The following C22orf31 variants were observed in gnomAD, a reference collection of about 807,000 sequenced individuals.
C22orf31 encodes chromosome 22 open reading frame 31, also known as uncharacterized protein C22orf31.
A neutral mutation model predicts 15.0 loss-of-function variants in C22orf31; 11 were observed. That is an observed-to-expected ratio of 0.73 (90% confidence interval 0.46 to 1.21). C22orf31 has a LOEUF of 1.21. Among genes scored for constraint, C22orf31 ranks in the 50% most tolerant of loss-of-function variants. C22orf31 has a pLI of 0.00. For synonymous variants in C22orf31, 132 were observed against 133.3 expected, an observed-to-expected ratio of 0.99 and a Z score of 0.07; for missense variants, 340 against 347.2, an observed-to-expected ratio of 0.98 and a Z score of 0.17.
chr22:29,065,850 C>T (rs2037425687), upstream of C22orf31, among the ~76,000 whole-genome samples: 1 of 152,230 alleles, frequency 6.6e-6, no homozygotes, highest in Non-Finnish European at 1.5e-5. Flanking sequence ...GCTGAAAGAC[C>T]TCTTCCTTAG....
Position 29,059,083 on chromosome 22 carries a change from T to G in C22orf31, c.532A>C (p.Ser178Arg), listed in dbSNP as rs773290339. Reference protein sequence around the residue: ...VAATQALPQDSGTAAWKGRVL... With the variant: ...VAATQALPQDRGTAAWKGRVL... ...CGGCCCTTCCAGGCTGCTGTCCCACTGTCCTGGGGTAGCGCTTGGGTGGCA... is the reference window on the plus strand; with the variant it reads ...CGGCCCTTCCAGGCTGCTGTCCCACGGTCCTGGGGTAGCGCTTGGGTGGCA... Residue 178 changes from serine to arginine, a missense_variant, in exon 3 of 3, where the codon AGT becomes CGT. By Grantham distance (110) the Ser-to-Arg change is moderately radical. Transcript: ENST00000216071. 1.2e-6 allele frequency: 2 copies of G among 1,614,148 alleles called. No homozygotes were observed. The highest frequency in any genetic ancestry group is 1.7e-6 in the Non-Finnish European group (2 of 1,179,960).
the C22orf31 span, among the ~76,000 whole-genome samples, chr22:29,071,186 G>A: frequency 5.9e-5 from 9 of 152,166 alleles, no homozygotes; most frequent in Admixed American, 2.0e-4. Context: ...CCAGGACCGA[G>A]GCTGGCTGGG....
chr22:29,060,055 A>G, intron 2 of C22orf31: 1 of 783,932 alleles, frequency 1.3e-6, no homozygotes, highest in Non-Finnish European at 1.5e-6. Flanking sequence ...TTTTTTAGAC[A>G]GGGTCTTGCT....
In C22orf31 at chr22:29,059,101, G is replaced by A. The variant is rs1426206345; in HGVS notation, c.514C>T (p.Gln172Ter). ...GTCCCACTGTCCTGGGGTAGCGCTTGGGTGGCAGCCACATGTTCAGCATAT... is the reference window on the plus strand; with the variant it reads ...GTCCCACTGTCCTGGGGTAGCGCTTAGGTGGCAGCCACATGTTCAGCATAT... ...DRYAEHVAAT[Q>*]ALPQDSGTAA... is the part of the protein sequence containing the mutation. The change falls in exon 3 of 3, where the codon CAA becomes TAA. Residue 172 changes from glutamine to a stop codon, truncating the protein, a stop_gained. Transcript: ENST00000216071. LOFTEE classifies it low-confidence loss of function (END_TRUNC). The A allele has an allele frequency of 1.2e-6, 2 of 1,614,072 alleles. No individual in the cohort carries two copies. Among genetic ancestry groups the A allele is most frequent in the Admixed American group, 1.7e-5 (1 of 60,006 alleles).
At chr22:29,060,039 T>TA (rs2037369847) in intron 2 of C22orf31, 2 of 885,562 alleles carry the variant, frequency 2.3e-6, no homozygotes, top group African/African-American at 2.0e-5. Context: ...TTTTTTTTTT[T>TA]TTTTATTTTT....
chr22:29,064,513 G>GTGTTTT (rs2037415753), upstream of C22orf31, among the ~76,000 whole-genome samples: 1 of 151,876 alleles, frequency 6.6e-6, no homozygotes, highest in Non-Finnish European at 1.5e-5. Context: ...TTGCTTTTTT[G>GTGTTTT]TGTTTTTGTT....
intron 2 of C22orf31, chr22:29,059,663 G>C (rs2037361397): frequency 1.0e-6 from 1 of 984,122 alleles, no homozygotes; most frequent in African/African-American, 1.7e-5. Context: ...TGGCCTGCTG[G>C]CCACCACGGG....
Position 29,061,820 on chromosome 22 carries a change from G to C in C22orf31, c.-28C>G, listed in dbSNP as rs142672074. ...TTCAGTTGCCTTAAATTTTATTTTC[G>C]CTAGCTTAGTAAGGGGAAGAAATAT... On this transcript the variant is annotated 5_prime_UTR_variant, in exon 1 of 3. Coordinates refer to ENST00000216071, the MANE Select transcript of C22orf31 (RefSeq NM_015370.2). 767 of 1,517,038 alleles carry C rather than the reference G, an allele frequency of 5.1e-4. 9 individuals are homozygous for C. In the South Asian group the frequency reaches 8.9e-3, roughly 18 times the overall value. The allele number at this position is 1,517,038 out of a possible 1,614,324, so 94.0% of individuals were successfully genotyped here.
At chr22:29,073,790 A>G in the C22orf31 span, among the ~76,000 whole-genome samples, 1 of 149,468 alleles carries the variant, frequency 6.7e-6, no homozygotes, top group South Asian at 2.2e-4. The surrounding 1 kb of genome is among the most constrained non-coding windows in gnomAD (Gnocchi z 4.4). Context: ...TCCCGTCCCC[A>G]AGTCCCCAGC....
At chr22:29,073,929 A>G in the C22orf31 span, among the ~76,000 whole-genome samples, 14 of 151,552 alleles carry the variant, frequency 9.2e-5, no homozygotes, top group Middle Eastern at 0.014. The surrounding 1 kb of genome is among the most constrained non-coding windows in gnomAD (Gnocchi z 4.4). Context: ...CCTCTCCGAG[A>G]CCTCCAGCGA....
At chr22:29,071,574 G>A in the C22orf31 span, among the ~76,000 whole-genome samples, 2 of 152,156 alleles carry the variant, frequency 1.3e-5, no homozygotes, top group African/African-American at 4.8e-5. Flanking sequence ...CCGGGCGCAG[G>A]TCTGCACTTG....
At chr22:29,065,595 T>C (rs2037424090), upstream of C22orf31, among the ~76,000 whole-genome samples, 1 of 152,210 alleles carries the variant, frequency 6.6e-6, no homozygotes, top group African/African-American at 2.4e-5. Context: ...CATCCCCTGG[T>C]TACGGGAGTT....
chr22:29,068,292 G>T, the C22orf31 span, among the ~76,000 whole-genome samples: 1 of 151,598 alleles, frequency 6.6e-6, no homozygotes, highest in Non-Finnish European at 1.5e-5. Context: ...GTTTCACCAT[G>T]TTGGCCAGGC....
At chr22:29,059,262 A>G in intron 2 of C22orf31, 80 bp from the exon 3 acceptor site, 1 of 1,131,424 alleles carries the variant, frequency 8.8e-7, no homozygotes, top group South Asian at 1.5e-5. Flanking sequence ...TTTGTGTCCC[A>G]GAGTCTTGGT....
upstream of C22orf31, among the ~76,000 whole-genome samples, chr22:29,063,097 T>C (rs2037406757): frequency 6.6e-6 from 1 of 152,256 alleles, no homozygotes; most frequent in Admixed American, 6.5e-5. Flanking sequence ...CTTCTCCATC[T>C]TGAGTTTGGC....
upstream of C22orf31, among the ~76,000 whole-genome samples, chr22:29,062,283 G>A (rs1383382471): frequency 6.6e-6 from 1 of 152,110 alleles, no homozygotes; most frequent in African/African-American, 2.4e-5. Flanking sequence ...CCTCCTTCAT[G>A]TACATAAAGG....
upstream of C22orf31, among the ~76,000 whole-genome samples, chr22:29,062,123 T>C (rs370001745): frequency 2.6e-4 from 40 of 152,232 alleles, 1 homozygote; most frequent in African/African-American, 8.9e-4. Context: ...CAGAAACTTC[T>C]GAAGTCCTCA....
the C22orf31 span, among the ~76,000 whole-genome samples, chr22:29,073,419 C>T: frequency 6.6e-6 from 1 of 151,834 alleles, no homozygotes; most frequent in East Asian, 2.0e-4. This position sits in a 1 kb window ranked among gnomAD's most constrained non-coding sequence, Gnocchi z 4.4. Flanking sequence ...GGCCCGTCAT[C>T]GACGCCCCCG....
At chr22:29,065,448 A>G (rs994868967), upstream of C22orf31, among the ~76,000 whole-genome samples, 1 of 152,130 alleles carries the variant, frequency 6.6e-6, no homozygotes, top group East Asian at 1.9e-4. Context: ...AATCTAGTGT[A>G]TGAGGCCAAG....
Sources: gnomAD v4.1 joint callset for allele counts (sites outside exome capture counted in the v4.1 genomes callset) on GRCh38, gnomAD v4.1.1 for gene constraint, Gnocchi (gnomAD v3.1) non-coding constraint, MANE v1.5 for transcripts, NCBI Gene and HGNC (gene_info 2026-07-23, HGNC 2026-07-21) for gene names.